Variants in BAIAP2L2 observed in about 807,000 individuals in gnomAD.
The protein encoded by BAIAP2L2 is BAR/IMD domain containing adaptor protein 2 like 2, also known as BAR/IMD domain-containing adapter protein 2-like 2.
Under a neutral mutation model 60.4 loss-of-function variants are expected in BAIAP2L2, and 65 were observed. The ratio of observed to expected loss-of-function variants is 1.08; its 90% CI spans 0.88 to 1.32. The LOEUF is 1.32. Ranked by LOEUF, BAIAP2L2 falls within the 40% of genes most tolerant of loss-of-function variation. The probability of loss-of-function intolerance (pLI) is 0.00; values close to 1 mark genes in which losing one functional copy is unlikely to be tolerated. For synonymous variants in BAIAP2L2, 344 were observed against 301.7 expected (o/e 1.14, Z -1.45); for missense variants, 836 against 741.2 (o/e 1.13, Z -1.48).
At position 38,110,539 on chromosome 22, in the gene BAIAP2L2, C is replaced by A; in HGVS notation, c.-14G>T. The A allele has an allele frequency of 6.2e-7, 1 of 1,606,340 alleles. No individual in the cohort carries two copies. The highest frequency in any genetic ancestry group is 1.1e-5 in the South Asian group (1 of 90,178). ...CTCGGGGGCCATGGAGGGGCTGTCC[C>A]GGGTCTGAGCAGGAGGCTGGGAGCT... On this transcript the variant is annotated 5_prime_UTR_variant, in exon 1 of 14. Coordinates refer to ENST00000381669, the MANE Select transcript of BAIAP2L2 (RefSeq NM_025045.6).
At position 38,089,344 on chromosome 22, in the gene BAIAP2L2, G is replaced by A. The variant is rs1288109020; in HGVS notation, c.766-113C>T. 1.0e-5 allele frequency: 6 copies of A among 572,766 alleles called. No individual in the cohort carries two copies. The East Asian group carries it at 1.4e-4, about 13-fold the overall frequency. The allele number at this position is 572,766 out of a possible 1,614,324, so 35.5% of individuals were successfully genotyped here. A position where few individuals can be genotyped will look rare whatever the true frequency, so the allele number is the denominator to read the frequency against. Reference sequence around the variant, plus strand: ...GCGTCGGCGTAGGGGTTCTGGGGGCGGAGACCGGGCCACCACGGGGGCGCG... The same window carrying A: ...GCGTCGGCGTAGGGGTTCTGGGGGCAGAGACCGGGCCACCACGGGGGCGCG... On this transcript the variant is annotated intron_variant, in intron 8 of 13. Coordinates refer to ENST00000381669, the MANE Select transcript of BAIAP2L2 (RefSeq NM_025045.6).
intron 10 of BAIAP2L2, among the ~76,000 whole-genome samples, 186 bp downstream of exon 10, chr22:38,088,562 G>A (rs914563190): frequency 6.6e-6 from 1 of 152,224 alleles, no homozygotes; most frequent in Non-Finnish European, 1.5e-5. Context: ...TTGGTAAGGC[G>A]GCTCTTCCTA....
intron 2 of BAIAP2L2, 142 bp downstream of exon 2, chr22:38,108,991 G>T: frequency 2.7e-6 from 2 of 743,102 alleles, no homozygotes; most frequent in South Asian, 3.3e-5. Context: ...GGCTGCAGAG[G>T]TGTGAGGGTG....
chr22:38,104,795 C>CA (rs1246832523), intron 4 of BAIAP2L2, among the ~76,000 whole-genome samples: 2 of 151,968 alleles, frequency 1.3e-5, no homozygotes, highest in Admixed American at 6.6e-5. Flanking sequence ...CACACCCAGC[C>CA]AAAAATTTTT....
rs778920958 is a variant in BAIAP2L2 at position 38,088,832 on chromosome 22, C to A, written c.1034G>T (p.Arg345Leu). The A allele has an allele frequency of 5.0e-6, 8 of 1,600,088 alleles. No individual in the cohort carries two copies. In the South Asian group the frequency reaches 8.8e-5, roughly 18 times the overall value. The change falls in exon 10 of 14, where the codon CGC becomes CTC. Residue 345 changes from arginine (R) to leucine (L), a missense_variant. By Grantham distance (102) the Arg-to-Leu change is moderately radical. Coordinates refer to ENST00000381669, the MANE Select transcript of BAIAP2L2 (RefSeq NM_025045.6). ...CTCCACCACGTCCCCAGCGGAGAAG[C>A]GCAGCAGCGTGTGGTTGGCGCCCTC... ...HSEGANHTLL[R>L]FSAGDVVEVL... is the part of the protein sequence containing the mutation.
At position 38,107,759 on chromosome 22, in the gene BAIAP2L2, C is replaced by G. The variant is rs1032333827; in HGVS notation, c.276+93G>C. On this transcript the variant is annotated intron_variant, in intron 4 of 13. Coordinates refer to ENST00000381669, the MANE Select transcript of BAIAP2L2 (RefSeq NM_025045.6). ...GGAAGGGCAGCCACGGTCATCCTCCCTGGGAAGGGCATCTGGTAGGCTGGG... is the reference window on the plus strand; with the variant it reads ...GGAAGGGCAGCCACGGTCATCCTCCGTGGGAAGGGCATCTGGTAGGCTGGG... 5 of 1,250,172 alleles carry G rather than the reference C, an allele frequency of 4.0e-6. No individual in the cohort carries two copies. The African/African-American group carries it at 5.9e-5, about 15-fold the overall frequency. The allele number at this position is 1,250,172 out of a possible 1,614,324, so 77.4% of individuals were successfully genotyped here.
chr22:38,104,686 T>C (rs1248725245), intron 4 of BAIAP2L2, among the ~76,000 whole-genome samples: 2 of 152,016 alleles, frequency 1.3e-5, no homozygotes, highest in African/African-American at 4.8e-5. Context: ...TTAGTAAAGA[T>C]GGGGTCTCAC....
In BAIAP2L2 at chr22:38,086,436, G is replaced by A. The variant is rs371417992; in HGVS notation, c.1273C>T (p.Arg425Trp). 430 of 1,508,062 alleles carry A rather than the reference G, an allele frequency of 2.9e-4. 9 individuals are homozygous for A. The South Asian group carries it at 4.2e-3, about 15-fold the overall frequency. 93.4% of individuals were successfully genotyped at this position (1,508,062 alleles called of 1,614,324 possible). ...AGGTCATCGAGGCTGTGGCTGCCCC[G>A]GAGTGGGTAGGACCTAAGTCCAGAG... is the stretch of plus-strand genomic sequence containing the variant. ...NELPSRSYPL[R>W]GSHSLDDLLD... Residue 425 changes from arginine to tryptophan, a missense_variant, in exon 12 of 14, where the codon CGG becomes TGG. Transcript: ENST00000381669.
At chr22:38,108,459 G>C (rs993669399) in intron 2 of BAIAP2L2, 118 bp from the exon 3 acceptor site, 4 of 756,220 alleles carry the variant, frequency 5.3e-6, no homozygotes, top group Admixed American at 5.4e-5. Flanking sequence ...ATCTGTGTGT[G>C]CCCCTGAGGA....
At chr22:38,088,527 G>A (rs747240173) in intron 10 of BAIAP2L2, among the ~76,000 whole-genome samples, 15 of 152,286 alleles carry the variant, frequency 9.8e-5, no homozygotes, top group Non-Finnish European at 1.9e-4. Flanking sequence ...TCCTCTGCCC[G>A]CTCTCAAGGA....
intron 7 of BAIAP2L2, chr22:38,090,163 T>C (rs888481821): frequency 7.4e-6 from 1 of 134,294 alleles, no homozygotes; most frequent in Non-Finnish European, 1.5e-5. Flanking sequence ...CAGGCTGGAG[T>C]GCAATGGCGC....
At chr22:38,109,682 AGGCTGT>A (rs891256596) in intron 1 of BAIAP2L2, among the ~76,000 whole-genome samples, 1 of 151,960 alleles carries the variant, frequency 6.6e-6, no homozygotes, top group Non-Finnish European at 1.5e-5. Flanking sequence ...CCCATGGGCA[AGGCTGT>A]GGCTGGATTA....
Position 38,086,399 on chromosome 22 carries a change from G to T in BAIAP2L2, c.1310C>A (p.Pro437Gln). 6.5e-7 allele frequency: 1 copy of T among 1,543,062 alleles called. No individual in the cohort carries two copies. The highest frequency in any genetic ancestry group is 8.8e-7 in the Non-Finnish European group (1 of 1,141,268). ...CTCCGAGGGTGCTATGGAGTTGCCCGGCCGGTCCAGGAGGTCATCGAGGCT... is the reference window on the plus strand; with the variant it reads ...CTCCGAGGGTGCTATGGAGTTGCCCTGCCGGTCCAGGAGGTCATCGAGGCT... ...SHSLDDLLDR[P>Q]GNSIAPSEYW... Residue 437 changes from proline (P) to glutamine (Q), a missense_variant, in exon 12 of 14, where the codon CCG becomes CAG. Coordinates refer to ENST00000381669, the MANE Select transcript of BAIAP2L2 (RefSeq NM_025045.6).
Position 38,089,613 on chromosome 22 carries a change from C to T in BAIAP2L2, c.674G>A (p.Ser225Asn). ...GCCGGGGGAGTGGGCGCGCGACGGGCTGCGGCTGGCCTCAGACTGCTCCTT... is the reference window on the plus strand; with the variant it reads ...GCCGGGGGAGTGGGCGCGCGACGGGTTGCGGCTGGCCTCAGACTGCTCCTT... ...LWKEQSEASR[S>N]PSRAHSPGLL... The change falls in exon 8 of 14, where the codon AGC becomes AAC. Residue 225 changes from serine (S) to asparagine (N), a missense_variant. By Grantham distance (46) the Ser-to-Asn change is conservative. Transcript: ENST00000381669. 8.1e-7 allele frequency: 1 copy of T among 1,234,330 alleles called. No individual in the cohort carries two copies. The highest frequency in any genetic ancestry group is 1.0e-6 in the Non-Finnish European group (1 of 990,262). The allele number at this position is 1,234,330 out of a possible 1,614,324, so 76.5% of individuals were successfully genotyped here.
intron 7 of BAIAP2L2, among the ~76,000 whole-genome samples, chr22:38,094,906 C>T (rs1168212276): frequency 6.6e-6 from 1 of 152,086 alleles, no homozygotes; most frequent in African/African-American, 2.4e-5. Context: ...AATGCCAGCA[C>T]TTTGGGAGGC....
intron 4 of BAIAP2L2, among the ~76,000 whole-genome samples, chr22:38,099,661 C>T (rs1401965281): frequency 2.6e-5 from 4 of 152,192 alleles, no homozygotes; most frequent in African/African-American, 9.7e-5. Context: ...CTCTGAGTCA[C>T]TCCATGTTGT....
intron 7 of BAIAP2L2, chr22:38,093,917 T>A (rs185989779): frequency 4.2e-5 from 19 of 456,596 alleles, no homozygotes; most frequent in Middle Eastern, 6.5e-4. Context: ...GCAGTGGTCA[T>A]GACAGCCAAA....
intron 12 of BAIAP2L2, 80 bp downstream of exon 12, chr22:38,086,162 C>T (rs1052407908): frequency 2.0e-5 from 29 of 1,453,738 alleles, no homozygotes; most frequent in South Asian, 7.2e-5. Flanking sequence ...GCCAGACAGC[C>T]GGTGACAGAG....
Position 38,098,173 on chromosome 22 carries a change from G to C in BAIAP2L2, c.355C>G (p.Arg119Gly), listed in dbSNP as rs769275796. Residue 119 changes from arginine (R) to glycine (G), a missense_variant, in exon 6 of 14, where the codon CGC becomes GGC. Coordinates refer to ENST00000381669, the MANE Select transcript of BAIAP2L2 (RefSeq NM_025045.6). ...KLDMQFIKDS[R>G]QHYELEYRHR... ...CGGTACTCGAGCTCATAGTGCTGGC[G>C]GCTGTCCTGGGGTAGGGTGGAGTCG... 2 of 1,613,928 alleles carry C rather than the reference G, an allele frequency of 1.2e-6. No individual in the cohort carries two copies. The highest frequency in any genetic ancestry group is 4.5e-5 in the East Asian group (2 of 44,900).
Sources: allele counts gnomAD v4.1 joint callset (sites outside exome capture counted in the v4.1 genomes callset), GRCh38; gene constraint gnomAD v4.1.1; transcripts MANE v1.5; gene names NCBI Gene and HGNC (gene_info 2026-07-23, HGNC 2026-07-21).